PRKDC: variants seen among roughly 807,000 people sequenced by gnomAD.
PRKDC encodes protein kinase, DNA-activated, catalytic subunit, also known as DNA-dependent protein kinase catalytic subunit.
In PRKDC, 82 loss-of-function variants were observed where a neutral mutation model predicts 486.9. That is an observed-to-expected ratio of 0.17 (90% CI 0.14 to 0.20). The LOEUF is 0.20. Ranked by LOEUF, PRKDC falls within the 10% of genes least tolerant of loss-of-function variation. PRKDC has a pLI of 1.00. For missense variants in PRKDC, 4,504 were observed against 5,038.2 expected, an observed-to-expected ratio of 0.89 and a Z score of 3.21; for synonymous variants, 1,895 against 1,837.0, an observed-to-expected ratio of 1.03 and a Z score of -0.81.
rs2087026808 is a variant in PRKDC, at chr8:47,798,479, C to T, written c.10298-82G>A. On this transcript the variant is annotated intron_variant, in intron 72 of 85. Coordinates refer to ENST00000314191, the MANE Select transcript of PRKDC (RefSeq NM_006904.7). ...TATGATGTTAAATGCTAACACTTTCCCTTTTTGGCTTGTATTTTGTAGTGT... is the reference window on the plus strand; with the variant it reads ...TATGATGTTAAATGCTAACACTTTCTCTTTTTGGCTTGTATTTTGTAGTGT... 3.6e-6 allele frequency: 5 copies of T among 1,381,188 alleles called. No individual in the cohort carries two copies. The African/African-American group carries it at 4.4e-5, about 12-fold the overall frequency. The allele number at this position is 1,381,188 out of a possible 1,614,324, so 85.6% of individuals were successfully genotyped here.
chr8:47,909,536 G>C (rs908327216), intron 25 of PRKDC, among the ~76,000 whole-genome samples: 1 of 152,182 alleles, frequency 6.6e-6, no homozygotes, highest in Non-Finnish European at 1.5e-5. Flanking sequence ...CAGAATAACA[G>C]CGATTTTCAG....
intron 12 of PRKDC, 134 bp from the exon 13 acceptor site, chr8:47,936,034 C>T: frequency 3.3e-6 from 3 of 908,888 alleles, no homozygotes; most frequent in Non-Finnish European, 4.7e-6. Context: ...ATCTAACCTG[C>T]TGCTTAACAT....
chr8:47,775,758 GTCATACC>G (rs1563727722), intron 85 of PRKDC, among the ~76,000 whole-genome samples: 1 of 150,780 alleles, frequency 6.6e-6, no homozygotes, highest in Non-Finnish European at 1.5e-5. Context: ...TGCTTTCAGT[GTCATACC>G]TAAAAAATGG....
At chr8:47,822,814 C>T (rs1476932141) in intron 64 of PRKDC, among the ~76,000 whole-genome samples, 1 of 152,026 alleles carries the variant, frequency 6.6e-6, no homozygotes, top group Non-Finnish European at 1.5e-5. Context: ...AAAACCTGGA[C>T]TGCTCATTGA....
intron 30 of PRKDC, among the ~76,000 whole-genome samples, chr8:47,896,116 T>C (rs1365043480): frequency 6.6e-6 from 1 of 152,140 alleles, no homozygotes; most frequent in Non-Finnish European, 1.5e-5. Flanking sequence ...ACATTTCTAT[T>C]ATACATGTAA....
At chr8:47,942,011 C>T (rs908721452) in intron 10 of PRKDC, among the ~76,000 whole-genome samples, 4 of 152,174 alleles carry the variant, frequency 2.6e-5, no homozygotes, top group Admixed American at 1.3e-4. Flanking sequence ...CCACGCCCCA[C>T]CCAGCCCTGT....
chr8:47,893,188 G>A lies in PRKDC; in HGVS notation c.3798C>T (p.Cys1266=), dbSNP rs1357359158. ...WLDLLLAALE[C]YNTFIGERTV... ...TTCTCTCGCCAATGAACGTGTTGTA[G>A]CACTCCAACGCGGCCAGGAGCAGGT... Residue 1266 remains cysteine (C), a synonymous_variant, in exon 31 of 86, where the codon TGC becomes TGT. Coordinates refer to ENST00000314191, the MANE Select transcript of PRKDC (RefSeq NM_006904.7). 1 of 1,613,072 alleles carries A rather than the reference G, an allele frequency of 6.2e-7. No homozygotes were observed. Among genetic ancestry groups the A allele is most frequent in the Non-Finnish European group, 8.5e-7 (1 of 1,179,500 alleles).
At chr8:47,815,098 T>C (rs1403357902) in intron 68 of PRKDC, among the ~76,000 whole-genome samples, 1 of 152,080 alleles carries the variant, frequency 6.6e-6, no homozygotes, top group East Asian at 1.9e-4. Flanking sequence ...CCTGGGAGGC[T>C]GAGACTGCAA....
intron 59 of PRKDC, 113 bp downstream of exon 59, chr8:47,834,083 C>CT (rs2087949855): frequency 7.3e-7 from 1 of 1,367,412 alleles, no homozygotes; most frequent in African/African-American, 1.4e-5. Flanking sequence ...TTTTAAAGGG[C>CT]TTGATTACGA....
rs2086558565 is a variant in PRKDC at position 47,773,705 on chromosome 8, C to T, written c.*468G>A. 4.4e-6 allele frequency: 1 copy of T among 226,148 alleles called. No homozygotes were observed. Among genetic ancestry groups the T allele is most frequent in the South Asian group, 1.8e-4 (1 of 5,486 alleles). 14.0% of individuals were successfully genotyped at this position (226,148 alleles called of 1,614,324 possible). On this transcript the variant is annotated 3_prime_UTR_variant, in exon 86 of 86. Transcript: ENST00000314191. ...ACCTATTGTTCTTATTGTTCCTATG[C>T]TGCTTCTACAATGTTACATCAACTA...
intron 21 of PRKDC, among the ~76,000 whole-genome samples, chr8:47,918,640 T>TG (rs2090026255): frequency 6.6e-6 from 1 of 152,118 alleles, no homozygotes; most frequent in Non-Finnish European, 1.5e-5. Flanking sequence ...GGAGCAGGAG[T>TG]GGCTCCCACG....
chr8:47,846,825 A>C (rs538065413), intron 54 of PRKDC, among the ~76,000 whole-genome samples: 4 of 152,372 alleles, frequency 2.6e-5, no homozygotes, highest in African/African-American at 9.6e-5. Flanking sequence ...TACAAAATCA[A>C]TGTACAAAAA....
At chr8:47,892,750 GAAT>G (rs1312769656) in intron 31 of PRKDC, among the ~76,000 whole-genome samples, 1 of 152,150 alleles carries the variant, frequency 6.6e-6, no homozygotes, top group African/African-American at 2.4e-5. Context: ...TAGGAAATGA[GAAT>G]ATGAATTAAG....
At position 47,886,039 on chromosome 8, in the gene PRKDC, T is replaced by A; in HGVS notation, c.4681A>T (p.Ser1561Cys). 1 of 1,613,754 alleles carries A rather than the reference T, an allele frequency of 6.2e-7. No homozygotes were observed. The highest frequency in any genetic ancestry group is 2.2e-5 in the East Asian group (1 of 44,884). The change falls in exon 36 of 86, where the codon AGC becomes TGC. Residue 1561 changes from serine to cysteine, a missense_variant. Coordinates refer to ENST00000314191, the MANE Select transcript of PRKDC (RefSeq NM_006904.7). ...IHFSHGEYFYSLFSETINTEL... is the reference protein window; with the variant it reads ...IHFSHGEYFYCLFSETINTEL... ...GTGTTGATCGTTTCTGAGAACAAGCTATAGAAATACTCCCCATGGGAGAAG... is the reference window on the plus strand; with the variant it reads ...GTGTTGATCGTTTCTGAGAACAAGCAATAGAAATACTCCCCATGGGAGAAG...
rs562596651 is a variant in PRKDC, at chr8:47,847,247, G to A, written c.7280+1907C>T. Among the ~76,000 whole-genome samples the A allele has an allele frequency of 1.7e-4, 26 of 152,144 alleles. 1 individual carries two copies. The South Asian group carries it at 4.4e-3, about 25-fold the overall frequency. On this transcript the variant is annotated intron_variant, in intron 54 of 85. Transcript: ENST00000314191. ...TATTACCCAACTTCACTATACTACA[G>A]GGATACAATAATCAAAACAGCATGG...
At chr8:47,859,888 AT>A in intron 45 of PRKDC, 129 bp from the exon 46 acceptor site, 1 of 945,958 alleles carries the variant, frequency 1.1e-6, no homozygotes, top group Non-Finnish European at 1.5e-6. Flanking sequence ...GCCAGTGATT[AT>A]TAACCTATTA....
At chr8:47,911,174 T>TTGCCAAG (rs1292549656) in intron 25 of PRKDC, among the ~76,000 whole-genome samples, 1 of 152,210 alleles carries the variant, frequency 6.6e-6, no homozygotes, top group Non-Finnish European at 1.5e-5. Context: ...TGTCTTTTGA[T>TTGCCAAG]TGCCAAGTGC....
chr8:47,893,225 A>G lies in PRKDC; in HGVS notation c.3761T>C (p.Leu1254Pro), dbSNP rs755642560. The G allele has an allele frequency of 6.2e-7, 1 of 1,612,990 alleles. No individual in the cohort carries two copies. The highest frequency in any genetic ancestry group is 1.3e-5 in the African/African-American group (1 of 75,034). Reference protein sequence around the residue: ...LRGPFSLQATLCWLDLLLAAL... With the variant: ...LRGPFSLQATPCWLDLLLAAL... ...GGCCAGGAGCAGGTCCAGCCAGCAT[A>G]GCGTGGCCTGCAGGCTGAATGGCCC... Residue 1254 changes from leucine to proline, a missense_variant, in exon 31 of 86, where the codon CTA (leucine) becomes CCA (proline). Coordinates refer to ENST00000314191, the MANE Select transcript of PRKDC (RefSeq NM_006904.7).
chr8:47,952,729 T>A (rs1392619479), intron 7 of PRKDC, among the ~76,000 whole-genome samples: 4 of 152,136 alleles, frequency 2.6e-5, no homozygotes, highest in Non-Finnish European at 5.9e-5. Flanking sequence ...AAGGGCCAGG[T>A]GCAATGGCTC....
Sources: allele counts gnomAD v4.1 joint callset (sites outside exome capture counted in the v4.1 genomes callset), GRCh38; gene constraint gnomAD v4.1.1; transcripts MANE v1.5; gene names NCBI Gene and HGNC (gene_info 2026-07-23, HGNC 2026-07-21).